SPOCK1: variants seen among roughly 807,000 people sequenced by gnomAD.
SPOCK1 encodes SPARC (osteonectin), cwcv and kazal like domains proteoglycan 1, also known as testican-1.
Under a neutral mutation model 55.3 loss-of-function variants are expected in SPOCK1, and 23 were observed. The ratio of observed to expected loss-of-function variants is 0.42; its 90% CI spans 0.30 to 0.59. The LOEUF is 0.59. SPOCK1 is among the 20% of genes least tolerant of loss of function. The pLI, the probability that SPOCK1 is intolerant of heterozygous loss-of-function variation, is 0.22. For synonymous variants in SPOCK1, 226 were observed against 221.0 expected (o/e 1.02, Z -0.20); for missense variants, 499 against 552.5 (o/e 0.90, Z 0.97).
At chr5:137,158,466 G>A (rs149975768) in intron 3 of SPOCK1, among the ~76,000 whole-genome samples, 36 of 152,250 alleles carry the variant, frequency 2.4e-4, no homozygotes, top group African/African-American at 8.4e-4. Flanking sequence ...AAGGGTCTCT[G>A]GTTAGAAACC....
chr5:137,454,493 C>T (rs574751821), intron 2 of SPOCK1, among the ~76,000 whole-genome samples: 54 of 152,206 alleles, frequency 3.5e-4, no homozygotes, highest in African/African-American at 1.3e-3. Flanking sequence ...CCATACAAGT[C>T]CCTCAAAATC....
chr5:136,994,207 A>G (rs1237802506), intron 6 of SPOCK1, among the ~76,000 whole-genome samples: 1 of 151,626 alleles, frequency 6.6e-6, no homozygotes, highest in Non-Finnish European at 1.5e-5. Flanking sequence ...CAGTGTTTAT[A>G]CCCCAGTTTT....
intron 7 of SPOCK1, 124 bp downstream of exon 7, chr5:136,992,360 G>A: frequency 1.3e-6 from 1 of 766,978 alleles, no homozygotes; most frequent in Non-Finnish European, 2.0e-6. Context: ...TTTTGAGATT[G>A]GGACATATTT....
At chr5:137,334,936 T>C (rs1214180039) in intron 2 of SPOCK1, among the ~76,000 whole-genome samples, 3 of 152,158 alleles carry the variant, frequency 2.0e-5, no homozygotes, top group Non-Finnish European at 2.9e-5. Context: ...ATACCACTAG[T>C]GATGCTCAGA....
At chr5:137,340,397 C>G (rs995784477) in intron 2 of SPOCK1, among the ~76,000 whole-genome samples, 4 of 152,220 alleles carry the variant, frequency 2.6e-5, no homozygotes, top group African/African-American at 9.6e-5. Flanking sequence ...GGCTTCAGAA[C>G]ATCCAGGGCT....
At chr5:137,130,490 G>A (rs987507468) in intron 4 of SPOCK1, among the ~76,000 whole-genome samples, 15 of 152,208 alleles carry the variant, frequency 9.9e-5, no homozygotes, top group African/African-American at 3.6e-4. Flanking sequence ...TTCTGAGCTA[G>A]TCCTGCTGAA....
At chr5:137,405,391 C>T (rs1292605750) in intron 2 of SPOCK1, among the ~76,000 whole-genome samples, 1 of 152,160 alleles carries the variant, frequency 6.6e-6, no homozygotes, top group Admixed American at 6.5e-5. Flanking sequence ...TTGGGGTGCA[C>T]TTCCTGGGAG....
At chr5:137,103,729 A>G (rs1403519511) in intron 5 of SPOCK1, among the ~76,000 whole-genome samples, 3 of 152,232 alleles carry the variant, frequency 2.0e-5, no homozygotes, top group Admixed American at 6.5e-5. Context: ...TTAATATTTT[A>G]AATATTATTC....
intron 2 of SPOCK1, among the ~76,000 whole-genome samples, chr5:137,379,321 T>C (rs1751406394): frequency 6.6e-6 from 1 of 152,114 alleles, no homozygotes; most frequent in South Asian, 2.1e-4. Context: ...GAATAACCAT[T>C]TGAAAAGAGT....
intron 2 of SPOCK1, among the ~76,000 whole-genome samples, chr5:137,435,369 A>C (rs1340110483): frequency 6.6e-6 from 1 of 152,222 alleles, no homozygotes; most frequent in Admixed American, 6.5e-5. Flanking sequence ...ACCAATCTAC[A>C]TTTCTACCAA....
At chr5:137,430,451 A>G (rs1752720408) in intron 2 of SPOCK1, among the ~76,000 whole-genome samples, 4 of 152,058 alleles carry the variant, frequency 2.6e-5, no homozygotes, top group Non-Finnish European at 1.5e-5. Context: ...GTAATCACCT[A>G]TTTATTTTGC....
At chr5:137,131,516 G>T (rs1417145641) in intron 4 of SPOCK1, among the ~76,000 whole-genome samples, 2 of 152,054 alleles carry the variant, frequency 1.3e-5, no homozygotes, top group African/African-American at 4.8e-5. Flanking sequence ...GCTGAGGCAG[G>T]AGAATCGCTT....
chr5:137,411,207 T>A (rs1403524841), intron 2 of SPOCK1, among the ~76,000 whole-genome samples: 1 of 152,058 alleles, frequency 6.6e-6, no homozygotes, highest in Non-Finnish European at 1.5e-5. Context: ...AACAGACAAC[T>A]ATTTAACCCA....
chr5:137,056,546 T>G (rs1752303858), intron 6 of SPOCK1, among the ~76,000 whole-genome samples: 1 of 152,066 alleles, frequency 6.6e-6, no homozygotes, highest in Non-Finnish European at 1.5e-5. Context: ...CTGTAATACT[T>G]CTCAGGGGTA....
chr5:137,348,170 C>T (rs1166645640), intron 2 of SPOCK1, among the ~76,000 whole-genome samples: 4 of 152,082 alleles, frequency 2.6e-5, no homozygotes, highest in Admixed American at 6.5e-5. Context: ...TAAGTAAGTT[C>T]GTATAGAATG....
chr5:137,374,729 T>C (rs1751275698), intron 2 of SPOCK1, among the ~76,000 whole-genome samples: 1 of 152,224 alleles, frequency 6.6e-6, no homozygotes. Context: ...ATGCAGTGCT[T>C]TCCTTGCACT....
intron 3 of SPOCK1, among the ~76,000 whole-genome samples, chr5:137,143,037 G>A (rs1452644144): frequency 6.6e-6 from 1 of 152,174 alleles, no homozygotes; most frequent in Non-Finnish European, 1.5e-5. Context: ...AGCAGGACAT[G>A]TCAGTCCTTC....
intron 2 of SPOCK1, among the ~76,000 whole-genome samples, chr5:137,278,735 G>T (rs1757114817): frequency 6.6e-6 from 1 of 152,156 alleles, no homozygotes; most frequent in African/African-American, 2.4e-5. Context: ...TGACCACGAG[G>T]CACTTCAGCC....
chr5:136,987,228 A>C (rs1213373721), intron 8 of SPOCK1, among the ~76,000 whole-genome samples: 1 of 152,086 alleles, frequency 6.6e-6, no homozygotes, highest in Non-Finnish European at 1.5e-5. Context: ...AATACAGAGA[A>C]GCTTGGCTAT....
Sources: allele counts gnomAD v4.1 joint callset (sites outside exome capture counted in the v4.1 genomes callset), GRCh38; gene constraint gnomAD v4.1.1; transcripts MANE v1.5; gene names NCBI Gene and HGNC (gene_info 2026-07-23, HGNC 2026-07-21).